Variants in NBAS observed in about 807,000 individuals in gnomAD.
NBAS encodes NBAS subunit of NRZ tethering complex, also known as NAG/BC035112 fusion.
Under a neutral mutation model 302.5 loss-of-function variants are expected in NBAS, and 219 were observed. The ratio of observed to expected loss-of-function variants is 0.72; its 90% CI spans 0.65 to 0.81. NBAS has a LOEUF of 0.81. Ranked by LOEUF, NBAS falls within the 30% of genes least tolerant of loss-of-function variation. The pLI is 0.00. For synonymous variants in NBAS, 1,118 were observed against 1,021.6 expected (o/e 1.09, Z -1.80); for missense variants, 2,932 against 2,841.6 (o/e 1.03, Z -0.72).
At chr2:15,233,692 A>T (rs1299522529) in intron 46 of NBAS, among the ~76,000 whole-genome samples, 12 of 152,186 alleles carry the variant, frequency 7.9e-5, no homozygotes, top group Admixed American at 7.9e-4. Context: ...AAAGTTATGA[A>T]ATTCTATATA....
intron 21 of NBAS, among the ~76,000 whole-genome samples, chr2:15,446,947 A>T (rs1222869775): frequency 6.6e-6 from 1 of 152,010 alleles, no homozygotes; most frequent in Admixed American, 6.5e-5. Flanking sequence ...GAATATAATT[A>T]TAAAAATATT....
the NBAS span, among the ~76,000 whole-genome samples, chr2:14,978,051 C>T: frequency 6.6e-6 from 1 of 152,126 alleles, no homozygotes; most frequent in South Asian, 2.1e-4. Context: ...ATTATACTCC[C>T]ACTCATTATT....
At chr2:15,111,951 A>G in the NBAS span, among the ~76,000 whole-genome samples, 1 of 147,900 alleles carries the variant, frequency 6.8e-6, no homozygotes, top group Admixed American at 6.8e-5. Flanking sequence ...AATAATATAT[A>G]ATATATTAAT....
chr2:15,439,822 C>T (rs1044117923), intron 21 of NBAS, among the ~76,000 whole-genome samples: 3 of 152,190 alleles, frequency 2.0e-5, no homozygotes, highest in Non-Finnish European at 1.5e-5. Flanking sequence ...GCTTTTCCAA[C>T]AGGCTTAAAA....
chr2:15,472,977 G>C (rs1177599625), intron 16 of NBAS, among the ~76,000 whole-genome samples: 1 of 152,188 alleles, frequency 6.6e-6, no homozygotes, highest in East Asian at 1.9e-4. Flanking sequence ...GAAAACGTTA[G>C]GCCGAGACCA....
intron 16 of NBAS, 125 bp from the exon 17 acceptor site, chr2:15,468,658 G>A: frequency 9.0e-7 from 1 of 1,107,136 alleles, no homozygotes; most frequent in East Asian, 2.5e-5. Context: ...TTGGCCATAG[G>A]GAGCTGCTAG....
the NBAS span, among the ~76,000 whole-genome samples, chr2:14,876,185 C>T: frequency 1.3e-5 from 2 of 152,142 alleles, no homozygotes; most frequent in Non-Finnish European, 2.9e-5. Flanking sequence ...TCAGAGGCTT[C>T]TACTTGGTCT....
At chr2:15,082,870 C>T in the NBAS span, among the ~76,000 whole-genome samples, 1 of 152,202 alleles carries the variant, frequency 6.6e-6, no homozygotes, top group Admixed American at 6.5e-5. Flanking sequence ...AGTCACAAGA[C>T]ATGCCCACAG....
intron 48 of NBAS, among the ~76,000 whole-genome samples, chr2:15,203,890 T>TGTGTG (rs1666009557): frequency 6.2e-5 from 8 of 129,536 alleles, no homozygotes; most frequent in Admixed American, 1.6e-4. Context: ...GTGTGTGTGC[T>TGTGTG]TGTGTGTGTG....
chr2:14,783,487 C>A, the NBAS span, among the ~76,000 whole-genome samples: 1 of 120,970 alleles, frequency 8.3e-6, no homozygotes, highest in Admixed American at 1.1e-4. Context: ...CACCCCGCAA[C>A]AGTCCCCAGA....
chr2:15,438,818 C>A (rs977523653), intron 21 of NBAS, among the ~76,000 whole-genome samples: 1 of 152,206 alleles, frequency 6.6e-6, no homozygotes, highest in Non-Finnish European at 1.5e-5. Context: ...ATTGACTAAG[C>A]ACTGCTCAGT....
chr2:15,149,866 A>G, the NBAS span, among the ~76,000 whole-genome samples: 2 of 152,034 alleles, frequency 1.3e-5, no homozygotes, highest in African/African-American at 2.4e-5. Context: ...TAACTTTGGT[A>G]TTTTGCACAT....
At chr2:14,854,154 A>C in the NBAS span, among the ~76,000 whole-genome samples, 1 of 151,812 alleles carries the variant, frequency 6.6e-6, no homozygotes, top group African/African-American at 2.4e-5. Flanking sequence ...ACATACAAAA[A>C]CCAAAACCTA....
At chr2:15,138,463 T>A in the NBAS span, among the ~76,000 whole-genome samples, 2 of 152,094 alleles carry the variant, frequency 1.3e-5, no homozygotes, top group Admixed American at 1.3e-4. Context: ...TGGTTATGAC[T>A]CACAGAGCAT....
intron 47 of NBAS, among the ~76,000 whole-genome samples, chr2:15,225,564 A>C (rs1053277138): frequency 2.0e-5 from 3 of 152,246 alleles, no homozygotes; most frequent in African/African-American, 7.2e-5. Context: ...TCCCTAGATA[A>C]CAGCAAAGAG....
chr2:15,014,914 A>C, the NBAS span, among the ~76,000 whole-genome samples: 3 of 151,946 alleles, frequency 2.0e-5, no homozygotes, highest in African/African-American at 4.8e-5. Flanking sequence ...AAAATAGAGA[A>C]TACCCAAATA....
At chr2:15,494,896 T>C (rs944642875) in intron 11 of NBAS, among the ~76,000 whole-genome samples, 1 of 152,158 alleles carries the variant, frequency 6.6e-6, no homozygotes, top group Non-Finnish European at 1.5e-5. Context: ...CCCCCTTTTT[T>C]CATTTTGCTG....
At chr2:14,905,042 G>A in the NBAS span, among the ~76,000 whole-genome samples, 22 of 152,138 alleles carry the variant, frequency 1.4e-4, no homozygotes, top group African/African-American at 5.1e-4. Context: ...GTGAGACTCC[G>A]TCTCAAAAAA....
intron 16 of NBAS, 62 bp from the exon 17 acceptor site, chr2:15,468,595 A>C: frequency 6.4e-7 from 1 of 1,562,672 alleles, no homozygotes; most frequent in Non-Finnish European, 8.8e-7. Flanking sequence ...ACACATTACA[A>C]CTGCCTTCAG....
Sources: gnomAD v4.1 joint callset for allele counts (sites outside exome capture counted in the v4.1 genomes callset) on GRCh38, gnomAD v4.1.1 for gene constraint, MANE v1.5 for transcripts, NCBI Gene and HGNC (gene_info 2026-07-23, HGNC 2026-07-21) for gene names.